The following PARD3B variants were observed in gnomAD, a reference collection of about 807,000 sequenced individuals.
The protein encoded by PARD3B is par-3 family cell polarity regulator beta, also known as partitioning defective 3 homolog B.
In PARD3B, 103 loss-of-function variants were observed where a neutral mutation model predicts 130.2. The observed-to-expected ratio is 0.79, with a 90% CI of 0.67 to 0.93. The LOEUF (loss-of-function observed/expected upper bound fraction) is 0.93. PARD3B is among the 40% of genes least tolerant of loss of function. PARD3B has a pLI of 0.00. For missense variants in PARD3B, 1,609 were observed against 1,499.2 expected (o/e 1.07, Z -1.21); for synonymous variants, 583 against 553.2 (o/e 1.05, Z -0.76).
At chr2:205,037,540 T>C (rs1698082714) in intron 3 of PARD3B, among the ~76,000 whole-genome samples, 1 of 148,238 alleles carries the variant, frequency 6.7e-6, no homozygotes, top group East Asian at 2.0e-4. Flanking sequence ...TAGTGTACTA[T>C]ACATATGTAA....
intron 4 of PARD3B, among the ~76,000 whole-genome samples, chr2:205,068,448 T>A (rs1700522865): frequency 6.6e-6 from 1 of 152,166 alleles, no homozygotes. Flanking sequence ...GTTTAAAAAA[T>A]TGTTTTTAAG....
chr2:204,892,151 C>T (rs1216545137), intron 2 of PARD3B, among the ~76,000 whole-genome samples: 2 of 152,104 alleles, frequency 1.3e-5, no homozygotes, highest in Non-Finnish European at 2.9e-5. Flanking sequence ...AGAGGAAGAG[C>T]TTACATTGCT....
At chr2:205,549,422 T>G (rs2052520116) in intron 21 of PARD3B, among the ~76,000 whole-genome samples, 1 of 152,146 alleles carries the variant, frequency 6.6e-6, no homozygotes, top group East Asian at 1.9e-4. Context: ...AAATAAACTG[T>G]GCTACATCTG....
In PARD3B at chr2:205,191,707, G is replaced by A. The variant is rs75796422; in HGVS notation, c.2025-1498G>A. ...TCAACAACCTTGTGAGGTAGAGAGTGTAATTTTACTCATTTTATACATAAG... is the reference window on the plus strand; with the variant it reads ...TCAACAACCTTGTGAGGTAGAGAGTATAATTTTACTCATTTTATACATAAG... On this transcript the variant is annotated intron_variant, in intron 14 of 22. Transcript: ENST00000406610. Among the ~76,000 whole-genome samples, 196 of 152,284 alleles carry A rather than the reference G, an allele frequency of 1.3e-3. 1 individual carries two copies. Among genetic ancestry groups the A allele is most frequent in the African/African-American group, 4.6e-3 (190 of 41,556 alleles).
chr2:205,411,977 A>C (rs1045549382), intron 19 of PARD3B, among the ~76,000 whole-genome samples: 3 of 152,198 alleles, frequency 2.0e-5, no homozygotes, highest in Non-Finnish European at 4.4e-5. Flanking sequence ...AACCACTGTC[A>C]TTAAATTCAC....
intron 3 of PARD3B, among the ~76,000 whole-genome samples, chr2:204,998,774 C>T (rs1179590715): frequency 1.3e-5 from 2 of 152,064 alleles, no homozygotes; most frequent in South Asian, 2.1e-4. Flanking sequence ...AGTGCAATGG[C>T]GCGATCTCGG....
chr2:204,751,668 G>T (rs777038956), intron 2 of PARD3B, among the ~76,000 whole-genome samples: 1 of 152,178 alleles, frequency 6.6e-6, no homozygotes, highest in Non-Finnish European at 1.5e-5. Flanking sequence ...AACTTGCTGA[G>T]TAGGTATTTT....
At chr2:204,554,491 C>T (rs1463624311) in intron 1 of PARD3B, among the ~76,000 whole-genome samples, 1 of 152,024 alleles carries the variant, frequency 6.6e-6, no homozygotes, top group Non-Finnish European at 1.5e-5. Context: ...ATGTTTTTCT[C>T]TCATGATCCA....
intron 22 of PARD3B, among the ~76,000 whole-genome samples, chr2:205,612,110 T>G (rs2055252152): frequency 6.6e-6 from 1 of 152,226 alleles, no homozygotes; most frequent in Non-Finnish European, 1.5e-5. Context: ...CTGCCTTTTC[T>G]TCCTCTAAGT....
At chr2:204,813,343 G>C (rs2043030496) in intron 2 of PARD3B, among the ~76,000 whole-genome samples, 11 of 151,976 alleles carry the variant, frequency 7.2e-5, no homozygotes, top group Admixed American at 7.2e-4. Context: ...TAAAGAGTTT[G>C]TTTAAAATTT....
intron 1 of PARD3B, among the ~76,000 whole-genome samples, chr2:204,592,418 A>C (rs114963808): frequency 0.019 from 2,906 of 152,326 alleles, 78 homozygotes; most frequent in African/African-American, 0.067. Context: ...AGGAAAGCCT[A>C]CCATGAAATT....
At chr2:205,531,794 T>G (rs763536708) in intron 21 of PARD3B, among the ~76,000 whole-genome samples, 8 of 152,194 alleles carry the variant, frequency 5.3e-5, no homozygotes, top group Non-Finnish European at 1.0e-4. Context: ...ATTGACAAAT[T>G]GGTGATCTGA....
At chr2:205,559,272 G>T (rs1575359862) in intron 22 of PARD3B, among the ~76,000 whole-genome samples, 1 of 152,154 alleles carries the variant, frequency 6.6e-6, no homozygotes, top group Admixed American at 6.5e-5. Flanking sequence ...AGCCTCCAGA[G>T]TAGCTGGGAC....
rs540506460 is a variant in PARD3B, at chr2:205,135,746, C to T, written c.1434+10009C>T. On this transcript the variant is annotated intron_variant, in intron 10 of 22. Coordinates refer to ENST00000406610, the MANE Select transcript of PARD3B (RefSeq NM_001302769.2). ...GCAGAACATATGACACATAACGCAACAGTAGATAGGTGCCCTTTTACTGAA... is the reference window on the plus strand; with the variant it reads ...GCAGAACATATGACACATAACGCAATAGTAGATAGGTGCCCTTTTACTGAA... Among the ~76,000 whole-genome samples the T allele has an allele frequency of 3.9e-5, 6 of 152,230 alleles. No homozygotes were observed. In the South Asian group the frequency reaches 8.3e-4, roughly 21 times the overall value.
intron 4 of PARD3B, among the ~76,000 whole-genome samples, chr2:205,101,753 A>G (rs548389478): frequency 2.0e-5 from 3 of 152,306 alleles, no homozygotes; most frequent in East Asian, 3.9e-4. Context: ...TTTTGAAAAC[A>G]TTATTCTAAG....
At position 205,274,690 on chromosome 2, in the gene PARD3B, TATTA is replaced by T. The variant is rs1305858705; in HGVS notation, c.2186-25836_2186-25833del. Among the ~76,000 whole-genome samples the T allele has an allele frequency of 6.6e-6, 1 of 152,146 alleles. No individual in the cohort carries two copies. Among genetic ancestry groups the T allele is most frequent in the Non-Finnish European group, 1.5e-5 (1 of 68,010 alleles). ...ATCTACCTGAATATTTCTATCTGAATATTAATTCTTCAGTTAGCACCAAATGCAG... is the reference window on the plus strand; with the variant it reads ...ATCTACCTGAATATTTCTATCTGAATATTCTTCAGTTAGCACCAAATGCAG... On this transcript the variant is annotated intron_variant, in intron 16 of 22. Coordinates refer to ENST00000406610, the MANE Select transcript of PARD3B (RefSeq NM_001302769.2). This position sits in a 1 kb window ranked among gnomAD's most constrained non-coding sequence, Gnocchi z 4.2.
chr2:205,071,957 T>C (rs1294268142), intron 4 of PARD3B, among the ~76,000 whole-genome samples: 1 of 151,546 alleles, frequency 6.6e-6, no homozygotes, highest in Non-Finnish European at 1.5e-5. Context: ...ATTTTTGTGC[T>C]TGTGTGACTC....
chr2:205,175,680 A>C (rs1292068722), intron 12 of PARD3B, among the ~76,000 whole-genome samples: 1 of 152,324 alleles, frequency 6.6e-6, no homozygotes, highest in East Asian at 1.9e-4. Flanking sequence ...TTATTGAGAC[A>C]AATAATACGA....
In PARD3B at chr2:204,965,730, A is replaced by G. The variant is rs879379898; in HGVS notation, c.394+407A>G. 3.9e-5 allele frequency among the ~76,000 whole-genome samples: 6 copies of G among 152,170 alleles called. 1 individual carries two copies. The highest frequency in any genetic ancestry group is 2.0e-4 in the Admixed American group (3 of 15,284). On this transcript the variant is annotated intron_variant, in intron 3 of 22. Coordinates refer to ENST00000406610, the MANE Select transcript of PARD3B (RefSeq NM_001302769.2). ...TCAGTCTTTTTCTGCCCAAACTATAATCTCAGAATCTGGGGGAAATGTTTT... is the reference window on the plus strand; with the variant it reads ...TCAGTCTTTTTCTGCCCAAACTATAGTCTCAGAATCTGGGGGAAATGTTTT...
Sources: allele counts gnomAD v4.1 joint callset (sites outside exome capture counted in the v4.1 genomes callset), GRCh38; gene constraint gnomAD v4.1.1; non-coding constraint Gnocchi (gnomAD v3.1); transcripts MANE v1.5; gene names NCBI Gene and HGNC (gene_info 2026-07-23, HGNC 2026-07-21).